Variants in IGSF21 observed in about 807,000 individuals in gnomAD.
IGSF21 encodes the protein immunoglobin superfamily member 21.
Under a neutral mutation model 46.8 loss-of-function variants are expected in IGSF21, and 28 were observed. The observed-to-expected ratio is 0.60, with a 90% CI of 0.44 to 0.82. The LOEUF is 0.82. Among genes scored for constraint, IGSF21 ranks in the 40% least tolerant of loss-of-function variants. The pLI is 0.00. For synonymous variants in IGSF21, 284 were observed against 273.6 expected (o/e 1.04, Z -0.38); for missense variants, 624 against 665.5 (o/e 0.94, Z 0.69).
chr1:18,332,875 A>G (rs2085728857), intron 3 of IGSF21, among the ~76,000 whole-genome samples: 1 of 152,170 alleles, frequency 6.6e-6, no homozygotes, highest in Admixed American at 6.5e-5. Context: ...CAGTGATGGA[A>G]AAAGAGGCTG....
At chr1:18,344,282 C>T (rs2085871241) in intron 4 of IGSF21, among the ~76,000 whole-genome samples, 1 of 152,172 alleles carries the variant, frequency 6.6e-6, no homozygotes, top group Admixed American at 6.5e-5. Flanking sequence ...AATCCTCCTG[C>T]CTCAGCCTCC....
At chr1:18,341,988 G>C (rs192474748) in intron 4 of IGSF21, among the ~76,000 whole-genome samples, 1 of 151,618 alleles carries the variant, frequency 6.6e-6, no homozygotes, top group East Asian at 1.9e-4. Context: ...TGACGTTTCT[G>C]GTTGGTTTGT....
In IGSF21 at chr1:18,375,006, C is replaced by T. The variant is rs566103135; in HGVS notation, c.1016-1304C>T. On this transcript the variant is annotated intron_variant, in intron 6 of 9. Coordinates refer to ENST00000251296, the MANE Select transcript of IGSF21 (RefSeq NM_032880.5). Reference sequence around the variant, plus strand: ...GCCTCTGTCCCATGCCCTGGCTGTTCCCTGTGCCTGGAATATGCCTCGTGA... The same window carrying T: ...GCCTCTGTCCCATGCCCTGGCTGTTTCCTGTGCCTGGAATATGCCTCGTGA... 3.9e-5 allele frequency among the ~76,000 whole-genome samples: 6 copies of T among 152,260 alleles called. No individual in the cohort carries two copies. The East Asian group carries it at 9.7e-4, about 25-fold the overall frequency.
intron 1 of IGSF21, among the ~76,000 whole-genome samples, chr1:18,133,663 G>A (rs1169503891): frequency 2.0e-5 from 3 of 152,168 alleles, no homozygotes. Flanking sequence ...CCCATGGCAC[G>A]GAGCTCAGAA....
chr1:18,124,289 CTGTG>C (rs2086257782), intron 1 of IGSF21, among the ~76,000 whole-genome samples: 1 of 152,216 alleles, frequency 6.6e-6, no homozygotes, highest in Non-Finnish European at 1.5e-5. Context: ...ACCCCAAGCA[CTGTG>C]ACAAGCTCCT....
intron 2 of IGSF21, among the ~76,000 whole-genome samples, chr1:18,249,230 T>C (rs1328381511): frequency 6.6e-6 from 1 of 152,038 alleles, no homozygotes; most frequent in South Asian, 2.1e-4. Flanking sequence ...GCTTGCTAGC[T>C]GTGAGGTCCT....
At chr1:18,251,207 A>G (rs77635252) in intron 2 of IGSF21, among the ~76,000 whole-genome samples, 5,625 of 152,170 alleles carry the variant, frequency 0.037, 173 homozygotes, top group Non-Finnish European at 0.051. Context: ...TATTCTTAGC[A>G]TAATAGGACT....
intron 4 of IGSF21, among the ~76,000 whole-genome samples, chr1:18,341,051 C>T (rs6670839): frequency 0.034 from 1,537 of 44,946 alleles, 6 homozygotes; most frequent in Non-Finnish European, 0.043. Context: ...CTTCCTCTTC[C>T]TCTTCCTCTT....
rs141771173 is a variant in IGSF21 at position 18,199,991 on chromosome 1, G to T, written c.71-27907G>T. On this transcript the variant is annotated intron_variant, in intron 1 of 9. Transcript: ENST00000251296. ...AGGAGCGGGTCCAAGGGGGCTCTGG[G>T]GATCCAGACAAAGACCCCAAGCCCC... is the stretch of plus-strand genomic sequence containing the variant. 4.6e-5 allele frequency among the ~76,000 whole-genome samples: 7 copies of T among 152,174 alleles called. No homozygotes were observed. In the East Asian group the frequency reaches 1.4e-3, roughly 30 times the overall value.
chr1:18,152,954 T>G (rs1432067270), intron 1 of IGSF21, among the ~76,000 whole-genome samples: 1 of 152,150 alleles, frequency 6.6e-6, no homozygotes, highest in Non-Finnish European at 1.5e-5. Flanking sequence ...ATAGAAGAGA[T>G]AATGCAGTTA....
intron 1 of IGSF21, among the ~76,000 whole-genome samples, chr1:18,217,553 G>T (rs576184109): frequency 6.6e-6 from 1 of 152,186 alleles, no homozygotes; most frequent in Non-Finnish European, 1.5e-5. Context: ...TGCTGGCTTT[G>T]AACTTGAAAA....
chr1:18,278,427 G>T (rs1158054032), intron 2 of IGSF21, among the ~76,000 whole-genome samples: 1 of 151,870 alleles, frequency 6.6e-6, no homozygotes, highest in Admixed American at 6.6e-5. Context: ...TTTTAGTAGA[G>T]ATGGGGTTTC....
chr1:18,175,385 C>T (rs542494283), intron 1 of IGSF21, among the ~76,000 whole-genome samples: 11 of 152,226 alleles, frequency 7.2e-5, no homozygotes, highest in Admixed American at 5.2e-4. Context: ...TCTTATCTAG[C>T]GGGGAGTGAA....
At chr1:18,266,497 C>A (rs1204882639) in intron 2 of IGSF21, among the ~76,000 whole-genome samples, 1 of 152,242 alleles carries the variant, frequency 6.6e-6, no homozygotes, top group East Asian at 1.9e-4. Flanking sequence ...TGACCTTTGA[C>A]TGACCCAGGC....
chr1:18,118,278 T>C (rs1557544517), intron 1 of IGSF21, among the ~76,000 whole-genome samples: 1 of 152,194 alleles, frequency 6.6e-6, no homozygotes, highest in African/African-American at 2.4e-5. Context: ...CTTCCTCCTT[T>C]TTTCCCTAAC....
chr1:18,215,562 G>A (rs12027569), intron 1 of IGSF21, among the ~76,000 whole-genome samples: 14,182 of 152,232 alleles, frequency 0.093, 801 homozygotes, highest in East Asian at 0.14. Flanking sequence ...AGGACATAGC[G>A]AAGTGATGGG....
chr1:18,180,698 TCATA>T (rs1306087539), intron 1 of IGSF21, among the ~76,000 whole-genome samples: 1 of 152,220 alleles, frequency 6.6e-6, no homozygotes, highest in African/African-American at 2.4e-5. Context: ...ACACTATAGC[TCATA>T]CTTACTTATA....
At chr1:18,355,449 A>T (rs1181519888) in intron 4 of IGSF21, among the ~76,000 whole-genome samples, 1 of 152,200 alleles carries the variant, frequency 6.6e-6, no homozygotes, top group African/African-American at 2.4e-5. Context: ...TGAGTCTAAA[A>T]TAACTTCAAC....
At chr1:18,211,922 G>T (rs372493458) in intron 1 of IGSF21, among the ~76,000 whole-genome samples, 7 of 152,208 alleles carry the variant, frequency 4.6e-5, no homozygotes, top group Non-Finnish European at 8.8e-5. Context: ...TGCAGAAAGC[G>T]AAACAGCAGC....
Sources: allele counts gnomAD v4.1 joint callset (sites outside exome capture counted in the v4.1 genomes callset), GRCh38; gene constraint gnomAD v4.1.1; transcripts MANE v1.5; gene names NCBI Gene and HGNC (gene_info 2026-07-23, HGNC 2026-07-21).